The following PTPRD variants were observed in gnomAD, a reference collection of about 807,000 sequenced individuals.
PTPRD encodes protein tyrosine phosphatase receptor type D, also known as receptor-type tyrosine-protein phosphatase delta.
A neutral mutation model predicts 214.5 loss-of-function variants in PTPRD; 34 were observed. The ratio of observed to expected loss-of-function variants is 0.16; its 90% CI spans 0.12 to 0.21. PTPRD has a LOEUF of 0.21. Among genes scored for constraint, PTPRD ranks in the 10% least tolerant of loss-of-function variants. PTPRD has a pLI of 1.00. For missense variants in PTPRD, 2,545 were observed against 2,398.7 expected, an observed-to-expected ratio of 1.06 and a Z score of -1.27; for synonymous variants, 1,128 against 845.7, an observed-to-expected ratio of 1.33 and a Z score of -5.79.
intron 2 of PTPRD, among the ~76,000 whole-genome samples, chr9:10,343,435 C>T (rs2096984827): frequency 6.6e-6 from 1 of 152,104 alleles, no homozygotes; most frequent in Non-Finnish European, 1.5e-5. Flanking sequence ...CTGCAATATA[C>T]ATATATGTGC....
At chr9:10,549,472 G>C (rs2060846286) in intron 2 of PTPRD, among the ~76,000 whole-genome samples, 1 of 152,150 alleles carries the variant, frequency 6.6e-6, no homozygotes, top group African/African-American at 2.4e-5. Context: ...AGACAAAGTG[G>C]CTATGCTACA....
chr9:9,083,675 G>C (rs1415212089), intron 10 of PTPRD, among the ~76,000 whole-genome samples: 2 of 151,828 alleles, frequency 1.3e-5, no homozygotes, highest in Non-Finnish European at 2.9e-5. Context: ...CTAATATCCA[G>C]AACCTATAAG....
chr9:10,468,092 G>A (rs189561376), intron 2 of PTPRD, among the ~76,000 whole-genome samples: 113 of 152,252 alleles, frequency 7.4e-4, no homozygotes, highest in African/African-American at 2.4e-3. Flanking sequence ...AGACAATGTG[G>A]CATTTCCTCA....
intron 11 of PTPRD, among the ~76,000 whole-genome samples, chr9:8,740,607 T>C (rs888711465): frequency 3.3e-5 from 5 of 152,106 alleles, no homozygotes; most frequent in African/African-American, 4.8e-5. Context: ...CTGAATAAAA[T>C]AGTCAAACCT....
chr9:9,089,483 T>A (rs2099772348), intron 10 of PTPRD, among the ~76,000 whole-genome samples: 1 of 152,158 alleles, frequency 6.6e-6, no homozygotes, highest in African/African-American at 2.4e-5. Flanking sequence ...CTGACCAAAG[T>A]TTTTCATTCA....
At chr9:9,811,434 G>A (rs564137331) in intron 5 of PTPRD, among the ~76,000 whole-genome samples, 7 of 152,252 alleles carry the variant, frequency 4.6e-5, no homozygotes, top group South Asian at 2.1e-4. Flanking sequence ...TGGGCCAGGC[G>A]CGGTGGCTCA....
At chr9:9,614,753 A>G (rs1311361362) in intron 7 of PTPRD, among the ~76,000 whole-genome samples, 1 of 152,220 alleles carries the variant, frequency 6.6e-6, no homozygotes, top group Non-Finnish European at 1.5e-5. Context: ...CCAATTTTTC[A>G]TATCAAAAAA....
intron 14 of PTPRD, among the ~76,000 whole-genome samples, chr9:8,539,212 T>C (rs1195669763): frequency 2.0e-5 from 3 of 152,010 alleles, no homozygotes; most frequent in Non-Finnish European, 4.4e-5. Context: ...AGAAATAGTA[T>C]CTTTACATAG....
intron 11 of PTPRD, among the ~76,000 whole-genome samples, chr9:8,836,439 G>C (rs970537948): frequency 1.1e-4 from 16 of 151,844 alleles, no homozygotes; most frequent in Admixed American, 3.3e-4. Context: ...TTAACATTAG[G>C]ACATCTACTC....
At chr9:10,227,443 A>G (rs940384044) in intron 3 of PTPRD, among the ~76,000 whole-genome samples, 2 of 151,976 alleles carry the variant, frequency 1.3e-5, no homozygotes, top group Non-Finnish European at 2.9e-5. Context: ...TACCTAATTC[A>G]ACATAAAAAT....
At chr9:10,240,994 A>G (rs966810597) in intron 3 of PTPRD, among the ~76,000 whole-genome samples, 2 of 149,264 alleles carry the variant, frequency 1.3e-5, no homozygotes, top group African/African-American at 2.4e-5. Context: ...ACAATTTGAA[A>G]GAAAGATATA....
intron 2 of PTPRD, among the ~76,000 whole-genome samples, chr9:10,421,323 A>G (rs546227338): frequency 6.6e-6 from 1 of 151,898 alleles, no homozygotes; most frequent in Admixed American, 6.6e-5. Flanking sequence ...ACACACACTC[A>G]TGTTTATTCT....
At chr9:9,536,694 CT>C (rs2076583247) in intron 8 of PTPRD, among the ~76,000 whole-genome samples, 1 of 151,992 alleles carries the variant, frequency 6.6e-6, no homozygotes, top group South Asian at 2.1e-4. Context: ...CATCAGAAGC[CT>C]GCCAGGGCTC....
intron 12 of PTPRD, among the ~76,000 whole-genome samples, chr9:8,659,301 G>T (rs536376888): frequency 2.6e-5 from 4 of 152,286 alleles, no homozygotes; most frequent in Admixed American, 2.6e-4. Flanking sequence ...CCAGATGGTG[G>T]CTACCATGCC....
intron 10 of PTPRD, among the ~76,000 whole-genome samples, chr9:9,147,329 G>A (rs565153526): frequency 6.6e-6 from 1 of 151,724 alleles, no homozygotes; most frequent in African/African-American, 2.4e-5. Context: ...CCTGGGGTGG[G>A]GGAGGGGATT....
At chr9:8,807,215 T>C (rs1421752016) in intron 11 of PTPRD, among the ~76,000 whole-genome samples, 1 of 152,020 alleles carries the variant, frequency 6.6e-6, no homozygotes, top group Admixed American at 6.6e-5. Context: ...TGCATGCCTG[T>C]AATCCCAGCT....
chr9:9,587,661 G>A (rs907467514), intron 7 of PTPRD, among the ~76,000 whole-genome samples: 2 of 151,942 alleles, frequency 1.3e-5, no homozygotes, highest in Non-Finnish European at 2.9e-5. Flanking sequence ...TCCAAAATTA[G>A]CATTTCTAAA....
intron 3 of PTPRD, among the ~76,000 whole-genome samples, chr9:10,218,382 AAT>A (rs2099551204): frequency 6.6e-6 from 1 of 151,890 alleles, no homozygotes; most frequent in African/African-American, 2.4e-5. Flanking sequence ...TTAATTTTAA[AAT>A]ATAGTTTTTA....
intron 2 of PTPRD, among the ~76,000 whole-genome samples, chr9:10,578,233 G>T (rs757491330): frequency 6.6e-6 from 1 of 151,924 alleles, no homozygotes; most frequent in Admixed American, 6.6e-5. Context: ...TTCACTGAGG[G>T]TTTCTCGAAT....
Sources: allele counts gnomAD v4.1 joint callset (sites outside exome capture counted in the v4.1 genomes callset), GRCh38; gene constraint gnomAD v4.1.1; transcripts MANE v1.5; gene names NCBI Gene and HGNC (gene_info 2026-07-23, HGNC 2026-07-21).